FRMD6: variants seen among roughly 807,000 people sequenced by gnomAD.
FRMD6 encodes the protein FERM domain-containing protein 6.
A neutral mutation model predicts 73.2 loss-of-function variants in FRMD6; 37 were observed. That is an observed-to-expected ratio of 0.51 (90% CI 0.39 to 0.66). FRMD6 has a LOEUF of 0.66. FRMD6 is among the 30% of genes least tolerant of loss of function. FRMD6 has a pLI of 0.00. For missense variants in FRMD6, 714 were observed against 780.5 expected (o/e 0.91, Z 1.02); for synonymous variants, 273 against 282.2 (o/e 0.97, Z 0.33).
At chr14:51,524,765 G>A (rs780625395) in intron 1 of FRMD6, among the ~76,000 whole-genome samples, 1 of 151,992 alleles carries the variant, frequency 6.6e-6, no homozygotes, top group East Asian at 1.9e-4. Flanking sequence ...ATAGCTCGGC[G>A]TTCTCCTTAT....
Position 51,498,898 on chromosome 14 carries a change from A to G in FRMD6, c.-210+9478A>G, listed in dbSNP as rs566835363. The stretch of plus-strand genomic sequence containing the variant: ...TATTACATAAGATATTTGTATCTAA[A>G]GCACTTTTTAGCACAGTCCTACTGC... On this transcript the variant is annotated intron_variant, in intron 1 of 14. Coordinates refer to the FRMD6 transcript ENST00000356218. 1.1e-3 allele frequency among the ~76,000 whole-genome samples: 165 copies of G among 152,366 alleles called. 2 individuals are homozygous for G. The South Asian group carries it at 0.031, about 28-fold the overall frequency.
intron 1 of FRMD6, among the ~76,000 whole-genome samples, chr14:51,529,481 AGAGC>A (rs916506532): frequency 1.8e-4 from 27 of 152,206 alleles, no homozygotes; most frequent in African/African-American, 5.1e-4. Flanking sequence ...AGAGAGAGAG[AGAGC>A]GAGCACAACT....
chr14:51,639,054 A>C (rs1362417745), intron 2 of FRMD6, among the ~76,000 whole-genome samples: 1 of 147,390 alleles, frequency 6.8e-6, no homozygotes, highest in East Asian at 1.9e-4. Context: ...TTCAAGTGTC[A>C]GGATTTTTTT....
intron 1 of FRMD6, among the ~76,000 whole-genome samples, chr14:51,490,433 ACT>A (rs962712689): frequency 4.6e-5 from 7 of 152,008 alleles, no homozygotes; most frequent in Non-Finnish European, 7.4e-5. Flanking sequence ...GAGAGGAGAA[ACT>A]CTCATATATT....
intron 1 of FRMD6, among the ~76,000 whole-genome samples, chr14:51,562,031 T>C (rs564228733): frequency 6.6e-6 from 1 of 152,326 alleles, no homozygotes; most frequent in African/African-American, 2.4e-5. Flanking sequence ...GAATCAAAGA[T>C]TCCCACCGTG....
At chr14:51,667,896 A>G (rs1893716868) in intron 1 of FRMD6, among the ~76,000 whole-genome samples, 1 of 152,190 alleles carries the variant, frequency 6.6e-6, no homozygotes, top group Non-Finnish European at 1.5e-5. Context: ...TTGAGAGCTA[A>G]TGGTTTGTAA....
the FRMD6 span, among the ~76,000 whole-genome samples, chr14:51,411,931 A>G: frequency 6.3e-4 from 96 of 152,218 alleles, no homozygotes; most frequent in Non-Finnish European, 8.7e-4. Context: ...ATTTGAAGGT[A>G]TAACATTTTA....
chr14:51,494,904 A>G (rs923230010), intron 1 of FRMD6, among the ~76,000 whole-genome samples: 1 of 152,174 alleles, frequency 6.6e-6, no homozygotes, highest in Non-Finnish European at 1.5e-5. Flanking sequence ...CACACTCTTG[A>G]TGTTTTCTCC....
chr14:51,554,083 A>G (rs1336665225), intron 1 of FRMD6, among the ~76,000 whole-genome samples: 4 of 152,156 alleles, frequency 2.6e-5, no homozygotes, highest in Non-Finnish European at 5.9e-5. Flanking sequence ...AAAATAAGCA[A>G]GTTCTAAAAC....
the FRMD6 span, among the ~76,000 whole-genome samples, chr14:51,418,424 G>A: frequency 6.6e-6 from 1 of 152,172 alleles, no homozygotes; most frequent in Admixed American, 6.5e-5. Context: ...CTCAGCTGCA[G>A]GTCTGTTGGA....
Position 51,582,476 on chromosome 14 carries a change from C to A in FRMD6, c.-147+12066C>A, listed in dbSNP as rs181690647. Among the ~76,000 whole-genome samples the A allele has an allele frequency of 9.8e-5, 15 of 152,298 alleles. No individual in the cohort carries two copies. In the East Asian group the frequency reaches 2.9e-3, roughly 29 times the overall value. ...GTATTGTAACCACACCATTTTGTGG[C>A]TCCAGACCCACCATGGCTTCCAAAG... On this transcript the variant is annotated intron_variant, in intron 2 of 14. Transcript: ENST00000356218.
chr14:51,711,208 C>G (rs1036847577), intron 7 of FRMD6, among the ~76,000 whole-genome samples: 1 of 152,038 alleles, frequency 6.6e-6, no homozygotes, highest in Admixed American at 6.6e-5. Context: ...GCAAAAATAG[C>G]CTTGTTAACT....
chr14:51,506,557 G>A lies in FRMD6; in HGVS notation c.-210+17137G>A, dbSNP rs546292056. Among the ~76,000 whole-genome samples the A allele has an allele frequency of 9.2e-5, 14 of 152,282 alleles. No homozygotes were observed. In the South Asian group the frequency reaches 2.9e-3, roughly 32 times the overall value. On this transcript the variant is annotated intron_variant, in intron 1 of 14. Coordinates refer to the FRMD6 transcript ENST00000356218. ...CATAGTGCCCAGTGTTGAGGGTGAA[G>A]GAGGAAAATGGGTGTTTTCATTTGC...
intron 1 of FRMD6, among the ~76,000 whole-genome samples, chr14:51,653,717 A>G (rs951644606): frequency 2.6e-5 from 4 of 152,156 alleles, no homozygotes; most frequent in Admixed American, 1.3e-4. Context: ...GCACCTAATC[A>G]TTTTCTCAGG....
At chr14:51,535,020 C>G (rs1325212285) in intron 1 of FRMD6, among the ~76,000 whole-genome samples, 1 of 152,168 alleles carries the variant, frequency 6.6e-6, no homozygotes, top group Non-Finnish European at 1.5e-5. Flanking sequence ...CACCCACATT[C>G]CCCACCAAAA....
intron 1 of FRMD6, among the ~76,000 whole-genome samples, chr14:51,549,590 T>C (rs1476295561): frequency 4.4e-4 from 42 of 95,512 alleles, no homozygotes; most frequent in South Asian, 9.4e-4. Flanking sequence ...ACTTTTTTTT[T>C]CTTTCTTTTT....
At chr14:51,614,199 C>G (rs1165077557) in intron 2 of FRMD6, among the ~76,000 whole-genome samples, 1 of 152,010 alleles carries the variant, frequency 6.6e-6, no homozygotes, top group Non-Finnish European at 1.5e-5. Context: ...TTTCTAGGAA[C>G]TTTGGGTTGG....
intron 7 of FRMD6, 127 bp downstream of exon 7, chr14:51,708,360 G>A (rs1896753135): frequency 5.3e-6 from 5 of 947,368 alleles, no homozygotes; most frequent in Middle Eastern, 3.4e-4. Context: ...TTTTAAAAGA[G>A]TTTCATTGAA....
intron 2 of FRMD6, among the ~76,000 whole-genome samples, chr14:51,623,632 A>G (rs1891012858): frequency 6.6e-6 from 1 of 152,174 alleles, no homozygotes; most frequent in Non-Finnish European, 1.5e-5. Flanking sequence ...CAGATATCAC[A>G]GTTTCCTGGA....
Sources: gnomAD v4.1 joint callset for allele counts (sites outside exome capture counted in the v4.1 genomes callset) on GRCh38, gnomAD v4.1.1 for gene constraint, MANE v1.5 for transcripts, NCBI Gene and HGNC (gene_info 2026-07-23, HGNC 2026-07-21) for gene names.